Variants in CNOT2 observed in about 807,000 individuals in gnomAD.
The protein encoded by CNOT2 is CC chemokine receptor 4-negative regulator of transcription 2.
A neutral mutation model predicts 72.1 loss-of-function variants in CNOT2; 7 were observed. The ratio of observed to expected loss-of-function variants is 0.10; its 90% confidence interval spans 0.06 to 0.18. The LOEUF (loss-of-function observed/expected upper bound fraction) is 0.18. Ranked by LOEUF, CNOT2 falls within the 10% of genes least tolerant of loss-of-function variation. CNOT2 has a pLI of 1.00. For missense variants in CNOT2, 345 were observed against 660.3 expected (o/e 0.52, Z 5.23); for synonymous variants, 196 against 225.6 (o/e 0.87, Z 1.17).
intron 1 of CNOT2, among the ~76,000 whole-genome samples, chr12:70,254,991 AAAAAAAAG>A (rs1392305559): frequency 7.9e-4 from 119 of 151,586 alleles, no homozygotes; most frequent in African/African-American, 1.6e-3. Context: ...AAAAAAAAAA[AAAAAAAAG>A]AAGAAGAAGA....
intron 1 of CNOT2, among the ~76,000 whole-genome samples, chr12:70,269,244 C>T (rs973666146): frequency 2.7e-5 from 4 of 150,298 alleles, no homozygotes; most frequent in South Asian, 2.1e-4. Context: ...ATCTCTGAAA[C>T]AAGGTGTTTA....
In CNOT2 at chr12:70,288,101, C is replaced by T. The variant is rs139870105; in HGVS notation, c.48+9827C>T. ...GAACATCAAGATTTTTTGCTGTCCT[C>T]TTTACTAAGGGGTTATTACAATTAT... On this transcript the variant is annotated intron_variant, in intron 2 of 15. Transcript: ENST00000229195. Among the ~76,000 whole-genome samples the T allele has an allele frequency of 2.4e-4, 33 of 136,416 alleles. 1 individual carries two copies. The highest frequency in any genetic ancestry group is 7.2e-4 in the African/African-American group (27 of 37,654). 89.5% of individuals were successfully genotyped at this position (136,416 alleles called of 152,430 possible). A position where few individuals can be genotyped will look rare whatever the true frequency, so the allele number is the denominator to read the frequency against.
Position 70,354,129 on chromosome 12 carries a change from T to C in CNOT2, c.*214T>C. The C allele has an allele frequency of 2.1e-6, 2 of 949,484 alleles. No homozygotes were observed. Among genetic ancestry groups the C allele is most frequent in the Non-Finnish European group, 2.8e-6 (2 of 706,962 alleles). The allele number at this position is 949,484 out of a possible 1,614,324, so 58.8% of individuals were successfully genotyped here. ...CAACTAAATTTGTAATTTGTTTTTC[T>C]CTAGTTTGAGCAGGGTCTGAATTTT... On this transcript the variant is annotated 3_prime_UTR_variant, in exon 16 of 16. Coordinates refer to ENST00000229195, the MANE Select transcript of CNOT2 (RefSeq NM_014515.7).
chr12:70,279,985 C>G (rs1349712038), intron 2 of CNOT2, among the ~76,000 whole-genome samples: 1 of 152,032 alleles, frequency 6.6e-6, no homozygotes, highest in Non-Finnish European at 1.5e-5. Flanking sequence ...CCTTTTCTCT[C>G]TTCGTTTATT....
chr12:70,258,588 C>T (rs1361147923), intron 1 of CNOT2, among the ~76,000 whole-genome samples: 1 of 152,104 alleles, frequency 6.6e-6, no homozygotes, highest in Non-Finnish European at 1.5e-5. Context: ...CTACCGTGTG[C>T]CCCAAGTGCT....
intron 2 of CNOT2, among the ~76,000 whole-genome samples, chr12:70,298,844 A>T (rs976476684): frequency 2.6e-5 from 4 of 152,148 alleles, no homozygotes; most frequent in Non-Finnish European, 5.9e-5. Flanking sequence ...AGCCTTATTG[A>T]TTTGGGAGTG....
chr12:70,319,153 T>C lies in CNOT2; in HGVS notation c.172-145T>C, dbSNP rs181101933. On this transcript the variant is annotated intron_variant, in intron 3 of 15. Coordinates refer to ENST00000229195, the MANE Select transcript of CNOT2 (RefSeq NM_014515.7). ...TTCTCTTAAGAAACATGGAATATATTATAGAATGTTTGTTTTATGTTTTTC... is the reference window on the plus strand; with the variant it reads ...TTCTCTTAAGAAACATGGAATATATCATAGAATGTTTGTTTTATGTTTTTC... 3.2e-4 allele frequency: 190 copies of C among 589,560 alleles called. 1 individual carries two copies. The African/African-American group carries it at 3.2e-3, about 10-fold the overall frequency. 36.5% of individuals were successfully genotyped at this position (589,560 alleles called of 1,614,324 possible). A position where few individuals can be genotyped will look rare whatever the true frequency, so the allele number is the denominator to read the frequency against.
chr12:70,308,993 A>G (rs1441317986), intron 2 of CNOT2, among the ~76,000 whole-genome samples: 1 of 152,190 alleles, frequency 6.6e-6, no homozygotes, highest in African/African-American at 2.4e-5. Context: ...ATGTATCTTT[A>G]ACTTTCAAAA....
At chr12:70,244,192 G>GA (rs1197247337) in intron 1 of CNOT2, 2 of 152,322 alleles carry the variant, frequency 1.3e-5, no homozygotes, top group African/African-American at 4.8e-5. Context: ...CCAGGAAGGT[G>GA]AAGCTTCCGT....
intron 11 of CNOT2, among the ~76,000 whole-genome samples, chr12:70,340,889 CTTTTTTTT>C (rs55884675): frequency 1.2e-5 from 1 of 85,686 alleles, no homozygotes; most frequent in South Asian, 4.6e-4. Context: ...AACCCCAAAT[CTTTTTTTT>C]TTTTTTTTTT....
At chr12:70,339,012 TTA>T (rs1390895844) in intron 11 of CNOT2, among the ~76,000 whole-genome samples, 190 bp downstream of exon 11, 7 of 108,188 alleles carry the variant, frequency 6.5e-5, no homozygotes, top group Non-Finnish European at 1.1e-4. Flanking sequence ...ATTTGGCATT[TTA>T]TGTGTGTGTG....
chr12:70,353,083 T>TC (rs1426983444), intron 15 of CNOT2, among the ~76,000 whole-genome samples: 3 of 151,850 alleles, frequency 2.0e-5, no homozygotes, highest in Non-Finnish European at 1.5e-5. Flanking sequence ...TCCTTTTTTT[T>TC]TTTTTTTTAG....
intron 2 of CNOT2, among the ~76,000 whole-genome samples, chr12:70,304,052 A>G (rs1479396617): frequency 6.6e-6 from 1 of 152,132 alleles, no homozygotes; most frequent in East Asian, 1.9e-4. Flanking sequence ...TTTCAGCTCC[A>G]TCAGGTCCTT....
chr12:70,282,321 C>A (rs1230446791), intron 2 of CNOT2, among the ~76,000 whole-genome samples: 1 of 152,146 alleles, frequency 6.6e-6, no homozygotes, highest in Non-Finnish European at 1.5e-5. Context: ...CTAATGCATC[C>A]TATTCCGTAC....
intron 2 of CNOT2, among the ~76,000 whole-genome samples, chr12:70,298,866 T>A (rs1029841993): frequency 6.6e-6 from 1 of 152,160 alleles, no homozygotes; most frequent in Non-Finnish European, 1.5e-5. Flanking sequence ...TGTTGAGGAA[T>A]TTTTATCAGA....
chr12:70,263,310 C>T (rs1958865882), intron 1 of CNOT2, among the ~76,000 whole-genome samples: 1 of 152,046 alleles, frequency 6.6e-6, no homozygotes, highest in Admixed American at 6.6e-5. Context: ...TCTCTCCTTT[C>T]TTCTTACTCC....
At chr12:70,285,414 C>T (rs1230574588) in intron 2 of CNOT2, 1 of 151,324 alleles carries the variant, frequency 6.6e-6, no homozygotes, top group Non-Finnish European at 1.5e-5. Context: ...GACGGGGTTT[C>T]ACCGTGTTAG....
chr12:70,254,825 CA>C (rs1362514996), intron 1 of CNOT2, among the ~76,000 whole-genome samples: 4 of 151,480 alleles, frequency 2.6e-5, no homozygotes, highest in African/African-American at 9.7e-5. Flanking sequence ...ACTAAAAATA[CA>C]AAAAATTAGC....
At chr12:70,248,775 G>A (rs921943080) in intron 1 of CNOT2, among the ~76,000 whole-genome samples, 16 of 152,138 alleles carry the variant, frequency 1.1e-4, no homozygotes, top group Non-Finnish European at 2.2e-4. Flanking sequence ...GTGACTAAGA[G>A]CTGCCAAAGA....
Sources: gnomAD v4.1 joint callset for allele counts (sites outside exome capture counted in the v4.1 genomes callset) on GRCh38, gnomAD v4.1.1 for gene constraint, MANE v1.5 for transcripts, NCBI Gene and HGNC (gene_info 2026-07-23, HGNC 2026-07-21) for gene names.